ZNF385D: variants seen among roughly 807,000 people sequenced by gnomAD.
ZNF385D encodes the protein zinc finger protein 659.
In ZNF385D, 15 loss-of-function variants were observed where a neutral mutation model predicts 35.8. The ratio of observed to expected loss-of-function variants is 0.42; its 90% CI spans 0.28 to 0.64. The LOEUF is 0.64. Among genes scored for constraint, ZNF385D ranks in the 30% least tolerant of loss-of-function variants. ZNF385D has a pLI of 0.23. For missense variants in ZNF385D, 474 were observed against 494.6 expected (o/e 0.96, Z 0.39); for synonymous variants, 212 against 186.8 (o/e 1.13, Z -1.10).
chr3:22,011,107 A>C (rs1696543613), intron 3 of ZNF385D, among the ~76,000 whole-genome samples: 1 of 152,152 alleles, frequency 6.6e-6, no homozygotes, highest in African/African-American at 2.4e-5. Context: ...TTCCAGAAGC[A>C]TAATAATTTC....
intron 3 of ZNF385D, among the ~76,000 whole-genome samples, chr3:21,926,956 T>C (rs1700758909): frequency 1.3e-5 from 2 of 152,100 alleles, no homozygotes; most frequent in African/African-American, 4.8e-5. Context: ...CCAAATTTTA[T>C]GTTGAAATTT....
At chr3:22,289,759 G>C (rs1031510037) in intron 2 of ZNF385D, among the ~76,000 whole-genome samples, 17 of 152,106 alleles carry the variant, frequency 1.1e-4, no homozygotes, top group South Asian at 4.1e-4. Flanking sequence ...AAAAGTTGGG[G>C]CACTGATGCA....
At chr3:21,787,390 A>C (rs2071733886) in intron 3 of ZNF385D, among the ~76,000 whole-genome samples, 1 of 152,200 alleles carries the variant, frequency 6.6e-6, no homozygotes, top group African/African-American at 2.4e-5. Flanking sequence ...AAGAGCTAAA[A>C]CAAAAATAGA....
intron 3 of ZNF385D, among the ~76,000 whole-genome samples, chr3:21,877,669 T>G (rs897415849): frequency 6.6e-6 from 1 of 151,992 alleles, no homozygotes; most frequent in African/African-American, 2.4e-5. Context: ...CTAATTTTCT[T>G]AAGGGGCCTG....
intron 3 of ZNF385D, among the ~76,000 whole-genome samples, chr3:21,547,261 C>T (rs2062406553): frequency 6.6e-6 from 1 of 152,132 alleles, no homozygotes. Context: ...ACCCAGAAGC[C>T]CAACCTGCCA....
intron 2 of ZNF385D, among the ~76,000 whole-genome samples, chr3:22,315,156 G>T (rs1703816055): frequency 6.6e-6 from 1 of 152,134 alleles, no homozygotes; most frequent in Admixed American, 6.6e-5. Context: ...AAAAAATGAA[G>T]CAGGACTTCT....
In ZNF385D at chr3:21,423,079, T is replaced by C. The variant is rs115554821; in HGVS notation, c.954+884A>G. Among the ~76,000 whole-genome samples the C allele has an allele frequency of 9.8e-3, 1,487 of 152,198 alleles. 14 individuals carry two copies. Among genetic ancestry groups the C allele is most frequent in the African/African-American group, 0.034 (1,419 of 41,548 alleles). ...TTTGCAGACAAAATGATCCTATATC[T>C]AGAAAAATCTATAGTCTTGGCCCAA... On this transcript the variant is annotated intron_variant, in intron 7 of 7. Transcript: ENST00000281523.
intron 3 of ZNF385D, among the ~76,000 whole-genome samples, chr3:22,140,632 T>G (rs1405583337): frequency 1.3e-5 from 2 of 152,218 alleles, no homozygotes; most frequent in African/African-American, 4.8e-5. Context: ...TTTATAAGGT[T>G]AACATTACCT....
At chr3:22,293,127 T>A in intron 2 of ZNF385D, among the ~76,000 whole-genome samples, 1 of 152,066 alleles carries the variant, frequency 6.6e-6, no homozygotes, top group East Asian at 1.9e-4. Context: ...CACTTATACA[T>A]CATAAATCCC....
At chr3:21,607,100 GTGTTC>G (rs1247805798) in intron 2 of ZNF385D, among the ~76,000 whole-genome samples, 1 of 152,160 alleles carries the variant, frequency 6.6e-6, no homozygotes, top group Admixed American at 6.5e-5. Context: ...CTTTCTAAGT[GTGTTC>G]TGTTCTCAAA....
At chr3:21,803,892 C>T (rs1057402026) in intron 3 of ZNF385D, among the ~76,000 whole-genome samples, 2 of 152,310 alleles carry the variant, frequency 1.3e-5, no homozygotes, top group East Asian at 3.9e-4. Flanking sequence ...CATTTTGGAA[C>T]TGCATTCAAT....
intron 3 of ZNF385D, among the ~76,000 whole-genome samples, chr3:22,032,766 C>T (rs1015196471): frequency 3.9e-5 from 6 of 152,094 alleles, no homozygotes. Flanking sequence ...ATTAATAATA[C>T]TAATGCTTAC....
chr3:21,596,549 G>T (rs955160046), intron 2 of ZNF385D, among the ~76,000 whole-genome samples: 2 of 151,472 alleles, frequency 1.3e-5, no homozygotes, highest in Admixed American at 6.6e-5. Flanking sequence ...ACCGTCTCTT[G>T]CTCTCACCCA....
chr3:21,424,322 T>TATATATATA (rs1367584308), intron 6 of ZNF385D, among the ~76,000 whole-genome samples: 4 of 123,876 alleles, frequency 3.2e-5, no homozygotes, highest in Admixed American at 2.9e-4. Flanking sequence ...TATATATTTT[T>TATATATATA]TTTTTTTTTT....
chr3:22,117,788 A>T (rs1702886305), intron 3 of ZNF385D, among the ~76,000 whole-genome samples: 3 of 152,080 alleles, frequency 2.0e-5, no homozygotes. Context: ...ATTAAGAAAA[A>T]TATTCACTTT....
At position 21,612,784 on chromosome 3, in the gene ZNF385D, TTC is replaced by T. The variant is rs931975913; in HGVS notation, c.166-48102_166-48101del. ...TCTATAATCTAAACCTCAATTTTTCTTCTTTCATAAAAGGTGACACTTACCTT... is the reference window on the plus strand; with the variant it reads ...TCTATAATCTAAACCTCAATTTTTCTTTTCATAAAAGGTGACACTTACCTT... On this transcript the variant is annotated intron_variant, in intron 2 of 7. Coordinates refer to ENST00000281523, the MANE Select transcript of ZNF385D (RefSeq NM_024697.3). Among the ~76,000 whole-genome samples the T allele has an allele frequency of 2.0e-5, 3 of 152,210 alleles. No individual in the cohort carries two copies. In the South Asian group the frequency reaches 6.2e-4, roughly 31 times the overall value.
At chr3:22,261,160 T>C (rs1415904718) in intron 2 of ZNF385D, among the ~76,000 whole-genome samples, 5 of 151,876 alleles carry the variant, frequency 3.3e-5, no homozygotes, top group Non-Finnish European at 5.9e-5. Flanking sequence ...CATCTACTTA[T>C]AGCCTCTCAA....
intron 2 of ZNF385D, among the ~76,000 whole-genome samples, chr3:21,635,083 C>T (rs2065389578): frequency 6.6e-6 from 1 of 152,004 alleles, no homozygotes; most frequent in Non-Finnish European, 1.5e-5. Context: ...TACATATATG[C>T]AGAGAACAAT....
chr3:22,017,225 G>A (rs914191557), intron 3 of ZNF385D, among the ~76,000 whole-genome samples: 2 of 151,886 alleles, frequency 1.3e-5, no homozygotes, highest in African/African-American at 4.8e-5. Flanking sequence ...GATATTTTTA[G>A]GCTATGTTGT....
Sources: gnomAD v4.1 joint callset for allele counts (sites outside exome capture counted in the v4.1 genomes callset) on GRCh38, gnomAD v4.1.1 for gene constraint, MANE v1.5 for transcripts, NCBI Gene and HGNC (gene_info 2026-07-23, HGNC 2026-07-21) for gene names.